SMYD3: variants seen among roughly 807,000 people sequenced by gnomAD.
SMYD3 encodes the protein SET and MYND domain containing 3.
A neutral mutation model predicts 57.7 loss-of-function variants in SMYD3; 36 were observed. The observed-to-expected ratio is 0.62, with a 90% confidence interval of 0.48 to 0.82. The LOEUF (loss-of-function observed/expected upper bound fraction) is 0.82. Among genes scored for constraint, SMYD3 ranks in the 40% least tolerant of loss-of-function variants. The pLI is 0.00. For missense variants in SMYD3, 515 were observed against 538.8 expected (o/e 0.96, Z 0.44); for synonymous variants, 211 against 195.0 (o/e 1.08, Z -0.68).
In SMYD3 at chr1:246,255,786, TTTC is replaced by T. The variant is rs200488781; in HGVS notation, c.531+71412_531+71414del. Among the ~76,000 whole-genome samples the T allele has an allele frequency of 1.4e-3, 189 of 139,800 alleles. 1 individual carries two copies. The highest frequency in any genetic ancestry group is 2.9e-3 in the East Asian group (10 of 3,504). The allele number at this position is 139,800 out of a possible 152,430, so 91.7% of individuals were successfully genotyped here. On this transcript the variant is annotated intron_variant, in intron 5 of 11. Coordinates refer to ENST00000490107, the MANE Select transcript of SMYD3 (RefSeq NM_001167740.2). ...TTGTCTGGGGCATTTTTTTTTTTTT[TTTC>T]TAGTTGGTAGGTTTTAAATTACTGA...
chr1:245,996,997 C>T (rs1344857785), intron 5 of SMYD3, among the ~76,000 whole-genome samples: 4 of 152,210 alleles, frequency 2.6e-5, no homozygotes, highest in Non-Finnish European at 4.4e-5. Flanking sequence ...GTCGCTGGTG[C>T]GGAACACCAT....
intron 10 of SMYD3, among the ~76,000 whole-genome samples, chr1:245,786,464 C>T (rs571026640): frequency 2.0e-5 from 3 of 152,194 alleles, no homozygotes; most frequent in East Asian, 1.9e-4. Context: ...GTCTTCACGG[C>T]GTGAAAGGGC....
At chr1:246,265,013 A>C (rs1170701666) in intron 5 of SMYD3, among the ~76,000 whole-genome samples, 3 of 152,264 alleles carry the variant, frequency 2.0e-5, no homozygotes, top group Admixed American at 2.0e-4. Flanking sequence ...TCAAAGGTGC[A>C]TATGAAGAGA....
intron 5 of SMYD3, among the ~76,000 whole-genome samples, chr1:245,997,652 G>A (rs979572392): frequency 2.0e-5 from 3 of 152,174 alleles, no homozygotes; most frequent in African/African-American, 7.2e-5. Flanking sequence ...AGGCTATGCA[G>A]TTACACAGAG....
At chr1:246,237,838 G>C (rs1304572176) in intron 5 of SMYD3, among the ~76,000 whole-genome samples, 2 of 151,800 alleles carry the variant, frequency 1.3e-5, no homozygotes, top group Admixed American at 6.6e-5. Context: ...GAAATCTCCT[G>C]CAGTTGTTTT....
At chr1:246,023,633 A>C (rs2148234846) in intron 5 of SMYD3, among the ~76,000 whole-genome samples, 1 of 152,312 alleles carries the variant, frequency 6.6e-6, no homozygotes, top group Middle Eastern at 3.4e-3. Flanking sequence ...ATTTACTAGA[A>C]GAATGAAGCT....
At chr1:246,387,487 A>G (rs1010766371) in intron 1 of SMYD3, among the ~76,000 whole-genome samples, 1 of 152,244 alleles carries the variant, frequency 6.6e-6, no homozygotes, top group African/African-American at 2.4e-5. Context: ...ATTTGTTACC[A>G]TGTGCCAGAC....
At position 246,396,742 on chromosome 1, in the gene SMYD3, C is replaced by A. The variant is rs181940798; in HGVS notation, c.165-41648G>T. On this transcript the variant is annotated intron_variant, in intron 1 of 11. Coordinates refer to ENST00000490107, the MANE Select transcript of SMYD3 (RefSeq NM_001167740.2). Reference sequence around the variant, plus strand: ...GTTCTCACGAGACCTGGTTGTTCTCCTGCCAGCCATGGTGAGATGTGCTTG... The same window carrying A: ...GTTCTCACGAGACCTGGTTGTTCTCATGCCAGCCATGGTGAGATGTGCTTG... 7.9e-5 allele frequency among the ~76,000 whole-genome samples: 12 copies of A among 152,312 alleles called. No homozygotes were observed. The East Asian group carries it at 2.1e-3, about 27-fold the overall frequency.
intron 5 of SMYD3, among the ~76,000 whole-genome samples, chr1:246,324,288 G>A (rs750553297): frequency 6.6e-6 from 1 of 151,868 alleles, no homozygotes; most frequent in Non-Finnish European, 1.5e-5. Context: ...GGTGGCAGGC[G>A]CCTGTAATCC....
At chr1:246,310,826 C>T (rs1346094308) in intron 5 of SMYD3, among the ~76,000 whole-genome samples, 1 of 152,028 alleles carries the variant, frequency 6.6e-6, no homozygotes, top group Non-Finnish European at 1.5e-5. Context: ...TGTGCCACCA[C>T]GCCTGGCTGA....
rs78915203 is a variant in SMYD3, at chr1:245,903,461, C to T, written c.813+12069G>A. Reference sequence around the variant, plus strand: ...AAAGCTTCACCAATTGCCCCCACCCCCACAAGGACACCAAGTTAACAACTA... The same window carrying T: ...AAAGCTTCACCAATTGCCCCCACCCTCACAAGGACACCAAGTTAACAACTA... On this transcript the variant is annotated intron_variant, in intron 8 of 11. Coordinates refer to ENST00000490107, the MANE Select transcript of SMYD3 (RefSeq NM_001167740.2). Among the ~76,000 whole-genome samples, 22 of 152,262 alleles carry T rather than the reference C, an allele frequency of 1.4e-4. No homozygotes were observed. The East Asian group carries it at 3.9e-3, about 27-fold the overall frequency.
At chr1:246,232,432 G>A (rs1196747836) in intron 5 of SMYD3, among the ~76,000 whole-genome samples, 1 of 151,886 alleles carries the variant, frequency 6.6e-6, no homozygotes, top group Non-Finnish European at 1.5e-5. Flanking sequence ...ACAGAGGAAA[G>A]AACATATACC....
At chr1:246,235,182 T>C (rs12045300) in intron 5 of SMYD3, among the ~76,000 whole-genome samples, 12,954 of 152,206 alleles carry the variant, frequency 0.085, 744 homozygotes, top group East Asian at 0.23. Context: ...TATACAATCA[T>C]AGAAGAAAAG....
intron 1 of SMYD3, among the ~76,000 whole-genome samples, chr1:246,419,278 C>T (rs1202012709): frequency 1.3e-5 from 2 of 152,156 alleles, no homozygotes; most frequent in Non-Finnish European, 2.9e-5. Flanking sequence ...AGACTTAGCC[C>T]GCCTGCACCC....
intron 10 of SMYD3, among the ~76,000 whole-genome samples, chr1:245,812,244 A>T (rs1208038007): frequency 6.6e-6 from 1 of 152,164 alleles, no homozygotes; most frequent in Non-Finnish European, 1.5e-5. Context: ...GTTCCTTTTA[A>T]TTCTAAAATC....
chr1:246,070,122 A>G (rs2148379190), intron 5 of SMYD3, among the ~76,000 whole-genome samples: 1 of 152,256 alleles, frequency 6.6e-6, no homozygotes, highest in South Asian at 2.1e-4. Context: ...AGAGTCAAAG[A>G]CTACCAAGAG....
At chr1:245,759,319 C>A (rs1440656073) in intron 11 of SMYD3, among the ~76,000 whole-genome samples, 1 of 152,072 alleles carries the variant, frequency 6.6e-6, no homozygotes, top group East Asian at 1.9e-4. Flanking sequence ...CTTTCCCTCC[C>A]ACCTCCCCAC....
intron 8 of SMYD3, among the ~76,000 whole-genome samples, chr1:245,875,863 A>C (rs1244556378): frequency 6.6e-6 from 1 of 152,218 alleles, no homozygotes; most frequent in African/African-American, 2.4e-5. Context: ...AATGCTTACC[A>C]ACTAAAATAC....
At chr1:246,280,621 A>G (rs1038231527) in intron 5 of SMYD3, among the ~76,000 whole-genome samples, 3 of 152,130 alleles carry the variant, frequency 2.0e-5, no homozygotes, top group African/African-American at 7.2e-5. Context: ...AAAGACATCT[A>G]CCTCAATTTT....
Sources: gnomAD v4.1 joint callset for allele counts (sites outside exome capture counted in the v4.1 genomes callset) on GRCh38, gnomAD v4.1.1 for gene constraint, MANE v1.5 for transcripts, NCBI Gene and HGNC (gene_info 2026-07-23, HGNC 2026-07-21) for gene names.